The following ENTREP2 variants were observed in gnomAD, a reference collection of about 807,000 sequenced individuals.
ENTREP2 encodes protein ENTREP2.
At chr15:29,546,370 G>A in the ENTREP2 span, among the ~76,000 whole-genome samples, 1 of 152,116 alleles carries the variant, frequency 6.6e-6, no homozygotes, top group Admixed American at 6.5e-5. Context: ...GTATAAAAAT[G>A]CAGAGTCCAA....
the ENTREP2 span, among the ~76,000 whole-genome samples, chr15:29,493,125 CTTTTTT>C: frequency 5.9e-5 from 5 of 84,774 alleles, no homozygotes; most frequent in Admixed American, 1.3e-4. Flanking sequence ...CCTGACAACC[CTTTTTT>C]TTTTTTTTTT....
the ENTREP2 span, among the ~76,000 whole-genome samples, chr15:29,224,354 T>G: frequency 6.6e-6 from 1 of 152,094 alleles, no homozygotes; most frequent in Non-Finnish European, 1.5e-5. Flanking sequence ...TTGCAAACAT[T>G]GAAAGAACAA....
At chr15:29,124,624 A>ACCAACACCCGCCCCACCTC in the ENTREP2 span, 1 of 1,423,888 alleles carries the variant, frequency 7.0e-7, no homozygotes, top group East Asian at 2.5e-5. Context: ...CCAAGGACCC[A>ACCAACACCCGCCCCACCTC]CCAACACCCG....
the ENTREP2 span, among the ~76,000 whole-genome samples, chr15:29,576,243 C>T: frequency 1.3e-5 from 2 of 152,200 alleles, no homozygotes; most frequent in African/African-American, 4.8e-5. Context: ...AGAATAGTCT[C>T]TTCAACAGAT....
the ENTREP2 span, chr15:29,136,368 G>C: frequency 6.7e-7 from 1 of 1,502,142 alleles, no homozygotes; most frequent in Non-Finnish European, 8.8e-7. Flanking sequence ...GGCCTCACCT[G>C]GCTGGCAGGG....
the ENTREP2 span, among the ~76,000 whole-genome samples, chr15:29,337,156 C>A: frequency 2.0e-5 from 3 of 152,204 alleles, no homozygotes; most frequent in Non-Finnish European, 4.4e-5. Context: ...CAAAGAGTAT[C>A]ATGGAGCTTA....
At chr15:29,480,707 C>T in the ENTREP2 span, among the ~76,000 whole-genome samples, 6 of 152,112 alleles carry the variant, frequency 3.9e-5, no homozygotes, top group Non-Finnish European at 8.8e-5. Context: ...TCAGAGCAAA[C>T]CTGTGCCAGA....
At chr15:29,453,317 G>A in the ENTREP2 span, among the ~76,000 whole-genome samples, 2 of 152,250 alleles carry the variant, frequency 1.3e-5, no homozygotes, top group African/African-American at 4.8e-5. Context: ...TCCTGGAAGT[G>A]GCGGAGGGGA....
the ENTREP2 span, among the ~76,000 whole-genome samples, chr15:29,404,343 C>G: frequency 2.0e-5 from 3 of 152,078 alleles, no homozygotes; most frequent in East Asian, 5.8e-4. Context: ...AGGGAACCCC[C>G]CCATCTGACT....
At chr15:29,566,672 G>T in the ENTREP2 span, among the ~76,000 whole-genome samples, 1 of 151,962 alleles carries the variant, frequency 6.6e-6, no homozygotes, top group African/African-American at 2.4e-5. Flanking sequence ...GGCCAGGCTG[G>T]TCTCCAACTC....
At chr15:29,436,155 T>A in the ENTREP2 span, among the ~76,000 whole-genome samples, 1 of 152,218 alleles carries the variant, frequency 6.6e-6, no homozygotes, top group Non-Finnish European at 1.5e-5. Context: ...CCATTTGTCA[T>A]TTTCTCTACA....
the ENTREP2 span, chr15:29,267,975 T>C: frequency 6.6e-6 from 1 of 152,188 alleles, no homozygotes; most frequent in Non-Finnish European, 1.5e-5. Context: ...ATAAGCCTTT[T>C]TGAGATCCAC....
chr15:29,478,410 T>C, the ENTREP2 span, among the ~76,000 whole-genome samples: 3 of 152,198 alleles, frequency 2.0e-5, no homozygotes, highest in South Asian at 6.2e-4. Flanking sequence ...TCAGATGTTG[T>C]ACATTCTTTC....
chr15:29,458,127 C>A, the ENTREP2 span, among the ~76,000 whole-genome samples: 1 of 152,134 alleles, frequency 6.6e-6, no homozygotes, highest in Non-Finnish European at 1.5e-5. Context: ...GCTAGCATGT[C>A]GGTCAGTCTG....
At chr15:29,125,796 C>T in the ENTREP2 span, among the ~76,000 whole-genome samples, 11 of 152,320 alleles carry the variant, frequency 7.2e-5, no homozygotes, top group South Asian at 1.5e-3. Context: ...GGGCACTGCC[C>T]GCAGACACAG....
the ENTREP2 span, among the ~76,000 whole-genome samples, chr15:29,257,730 T>C: frequency 6.6e-6 from 1 of 152,194 alleles, no homozygotes; most frequent in Non-Finnish European, 1.5e-5. Context: ...ACCGTAACTA[T>C]AATGTATACC....
chr15:29,379,496 A>G, the ENTREP2 span, among the ~76,000 whole-genome samples: 44,393 of 152,034 alleles, frequency 0.29, 6,977 homozygotes, highest in African/African-American at 0.41. Flanking sequence ...TAGTCCATGG[A>G]AGGTCAGTGC....
the ENTREP2 span, among the ~76,000 whole-genome samples, chr15:29,306,652 A>G: frequency 2.0e-5 from 3 of 146,448 alleles, no homozygotes; most frequent in Non-Finnish European, 4.5e-5. Context: ...ATATACTGAA[A>G]AATAATTGGT....
the ENTREP2 span, among the ~76,000 whole-genome samples, chr15:29,137,702 G>A: frequency 2.0e-4 from 30 of 152,162 alleles, no homozygotes; most frequent in Non-Finnish European, 3.5e-4. Context: ...TGGGCGTAGT[G>A]GTGCATGCCT....
Sources: allele counts gnomAD v4.1 joint callset (sites outside exome capture counted in the v4.1 genomes callset), GRCh38; gene constraint gnomAD v4.1.1; transcripts MANE v1.5; gene names NCBI Gene and HGNC (gene_info 2026-07-23, HGNC 2026-07-21).